TBC1D5: variants seen among roughly 807,000 people sequenced by gnomAD.
The protein encoded by TBC1D5 is TBC1 domain family, member 5.
A neutral mutation model predicts 100.3 loss-of-function variants in TBC1D5; 75 were observed. That is an observed-to-expected ratio of 0.75 (90% confidence interval 0.62 to 0.91). TBC1D5 has a LOEUF of 0.91. Ranked by LOEUF, TBC1D5 falls within the 40% of genes least tolerant of loss-of-function variation. The pLI is 0.00. For synonymous variants in TBC1D5, 323 were observed against 325.6 expected, an observed-to-expected ratio of 0.99 and a Z score of 0.09; for missense variants, 910 against 942.4, an observed-to-expected ratio of 0.97 and a Z score of 0.45.
intron 13 of TBC1D5, among the ~76,000 whole-genome samples, chr3:17,367,734 C>G (rs1295457899): frequency 6.6e-6 from 1 of 151,986 alleles, no homozygotes; most frequent in Non-Finnish European, 1.5e-5. Flanking sequence ...TGGTGGGCGT[C>G]TATAATCCTA....
chr3:17,477,084 CCA>C (rs752098307), intron 3 of TBC1D5, among the ~76,000 whole-genome samples: 20 of 151,940 alleles, frequency 1.3e-4, no homozygotes, highest in Admixed American at 7.2e-4. Context: ...TCTCCTCAAT[CCA>C]CAGTTTGTTA....
intron 2 of TBC1D5, among the ~76,000 whole-genome samples, chr3:17,532,796 T>C (rs1210299793): frequency 7.5e-6 from 1 of 132,452 alleles, no homozygotes; most frequent in African/African-American, 2.9e-5. Flanking sequence ...TGAGAACTCA[T>C]GGACACAGGA....
At chr3:17,627,769 C>T (rs1203875179) in intron 1 of TBC1D5, among the ~76,000 whole-genome samples, 1 of 151,604 alleles carries the variant, frequency 6.6e-6, no homozygotes, top group Non-Finnish European at 1.5e-5. Context: ...TAATTTCTTA[C>T]TGTTTTGTTT....
At chr3:17,626,873 T>A (rs868316346) in intron 1 of TBC1D5, among the ~76,000 whole-genome samples, 1 of 152,082 alleles carries the variant, frequency 6.6e-6, no homozygotes, top group East Asian at 1.9e-4. Flanking sequence ...TAGGACAAAT[T>A]TATGAGAGAA....
At position 17,679,403 on chromosome 3, in the gene TBC1D5, TTTA is replaced by T. The variant is rs562133377; in HGVS notation, c.-100-55493_-100-55491del. Reference sequence around the variant, plus strand: ...AATTTTAATACACAATTTTAACGCATTTATTATTATTATTCTAAAAAATGAAAC... The same window carrying T: ...AATTTTAATACACAATTTTAACGCATTTATTATTATTCTAAAAAATGAAAC... On this transcript the variant is annotated intron_variant, in intron 1 of 21. Coordinates refer to ENST00000253692, the Ensembl canonical transcript of TBC1D5. 2.0e-3 allele frequency among the ~76,000 whole-genome samples: 298 copies of T among 151,622 alleles called. 18 individuals carry two copies. The highest frequency in any genetic ancestry group is 6.8e-3 in the African/African-American group (279 of 40,908).
In TBC1D5 at chr3:17,478,353, CAT is replaced by C. The variant is rs561909484; in HGVS notation, c.97+30119_97+30120del. 2.5e-3 allele frequency among the ~76,000 whole-genome samples: 373 copies of C among 152,222 alleles called. 2 individuals carry two copies. Among genetic ancestry groups the C allele is most frequent in the Non-Finnish European group, 4.3e-3 (290 of 67,988 alleles). ...ATGGCCCAATTACTCCCTTCCTAAACATATGACATTCAGGGTGTGACTTTCCA... is the reference window on the plus strand; with the variant it reads ...ATGGCCCAATTACTCCCTTCCTAAACATGACATTCAGGGTGTGACTTTCCA... On this transcript the variant is annotated intron_variant, in intron 3 of 21. Coordinates refer to ENST00000253692, the Ensembl canonical transcript of TBC1D5.
At chr3:17,734,001 C>A (rs186225769) in intron 1 of TBC1D5, among the ~76,000 whole-genome samples, 42 of 151,958 alleles carry the variant, frequency 2.8e-4, no homozygotes, top group African/African-American at 9.9e-4. Flanking sequence ...GTGCAAGACC[C>A]TGCCTCAAAA....
chr3:17,307,266 T>C (rs1204472308), intron 14 of TBC1D5, among the ~76,000 whole-genome samples: 2 of 152,226 alleles, frequency 1.3e-5, no homozygotes, highest in African/African-American at 2.4e-5. Context: ...CATAATTTTG[T>C]GCACTTTTTC....
intron 21 of TBC1D5, among the ~76,000 whole-genome samples, chr3:17,162,269 A>C (rs908576096): frequency 1.3e-5 from 2 of 152,210 alleles, no homozygotes; most frequent in African/African-American, 2.4e-5. Context: ...GCTGACTGGA[A>C]GTGTCTCCTG....
intron 1 of TBC1D5, among the ~76,000 whole-genome samples, chr3:17,691,784 T>A (rs1158709652): frequency 6.8e-6 from 1 of 147,278 alleles, no homozygotes; most frequent in East Asian, 2.0e-4. Flanking sequence ...GCCACTGCAC[T>A]CCAGCCAGGC....
At chr3:17,531,496 T>C (rs967066282) in intron 2 of TBC1D5, among the ~76,000 whole-genome samples, 3 of 152,138 alleles carry the variant, frequency 2.0e-5, no homozygotes, top group African/African-American at 4.8e-5. Context: ...TTAAAGTTCA[T>C]ATGGAAGCAA....
At chr3:17,641,391 C>T (rs2064485868) in intron 1 of TBC1D5, among the ~76,000 whole-genome samples, 2 of 152,150 alleles carry the variant, frequency 1.3e-5, no homozygotes, top group East Asian at 3.9e-4. Flanking sequence ...AACATCCTGC[C>T]TTTGAATCTT....
intron 13 of TBC1D5, among the ~76,000 whole-genome samples, chr3:17,336,479 A>C (rs2087821391): frequency 6.6e-6 from 1 of 152,176 alleles, no homozygotes; most frequent in African/African-American, 2.4e-5. Context: ...TGCAGCTAAA[A>C]TAGGTCACGG....
intron 2 of TBC1D5, among the ~76,000 whole-genome samples, chr3:17,509,560 T>TA (rs1156658485): frequency 6.6e-6 from 1 of 152,074 alleles, no homozygotes; most frequent in Non-Finnish European, 1.5e-5. Context: ...GCTTGGTAAC[T>TA]ACTGAGATAC....
chr3:17,350,897 ACAC>A (rs2090490274), intron 13 of TBC1D5, among the ~76,000 whole-genome samples: 1 of 152,168 alleles, frequency 6.6e-6, no homozygotes, highest in African/African-American at 2.4e-5. Context: ...TCATGCAGTA[ACAC>A]CACAAGCTCC....
At chr3:17,356,299 C>T (rs933235691) in intron 13 of TBC1D5, among the ~76,000 whole-genome samples, 8 of 152,252 alleles carry the variant, frequency 5.3e-5, no homozygotes, top group Admixed American at 2.6e-4. Flanking sequence ...AATCCTAAAC[C>T]ATCTATTTTG....
intron 18 of TBC1D5, among the ~76,000 whole-genome samples, chr3:17,199,963 C>G (rs758322081): frequency 6.6e-6 from 1 of 152,120 alleles, no homozygotes; most frequent in Non-Finnish European, 1.5e-5. Flanking sequence ...AGAAATGTGA[C>G]CATGAAAGCC....
At chr3:17,320,625 C>A (rs1340648806) in intron 13 of TBC1D5, among the ~76,000 whole-genome samples, 1 of 152,174 alleles carries the variant, frequency 6.6e-6, no homozygotes, top group Non-Finnish European at 1.5e-5. Context: ...AACTCCCCAC[C>A]TAATAACATA....
At chr3:17,539,310 T>C (rs745674441) in intron 2 of TBC1D5, among the ~76,000 whole-genome samples, 17 of 152,208 alleles carry the variant, frequency 1.1e-4, no homozygotes, top group African/African-American at 3.9e-4. Flanking sequence ...TCAGAAAGAA[T>C]AGACTGTAAA....
Sources: gnomAD v4.1 joint callset for allele counts (sites outside exome capture counted in the v4.1 genomes callset) on GRCh38, gnomAD v4.1.1 for gene constraint, MANE v1.5 for transcripts, NCBI Gene and HGNC (gene_info 2026-07-23, HGNC 2026-07-21) for gene names.